Variants in PPP1R13B observed in about 807,000 individuals in gnomAD.
The protein encoded by PPP1R13B is protein phosphatase 1 regulatory subunit 13B.
PPP1R13B carries 44 observed loss-of-function variants against 119.8 expected under a neutral mutation model. That is an observed-to-expected ratio of 0.37 (90% CI 0.29 to 0.47). The LOEUF is 0.47. Among genes scored for constraint, PPP1R13B ranks in the 20% least tolerant of loss-of-function variants. The pLI, the probability that PPP1R13B is intolerant of heterozygous loss-of-function variation, is 0.99. For synonymous variants in PPP1R13B, 542 were observed against 561.5 expected, an observed-to-expected ratio of 0.97 and a Z score of 0.49; for missense variants, 1,227 against 1,413.5, an observed-to-expected ratio of 0.87 and a Z score of 2.12.
upstream of PPP1R13B, chr14:103,847,597 C>T: frequency 2.0e-6 from 2 of 986,444 alleles, no homozygotes; most frequent in Non-Finnish European, 2.4e-6. Flanking sequence ...GCCCGGCTCG[C>T]TCTTCAGCCC....
At position 103,734,445 on chromosome 14, in the gene PPP1R13B, G is replaced by GAGGAGA. The variant is rs1243134569; in HGVS notation, c.*703_*708dup. ...AGCAGCATGACAGGCTGTGAGATCG[G>GAGGAGA]AGGAGAAGAGTATATGCTGAGGCTC... On this transcript the variant is annotated 3_prime_UTR_variant, in exon 17 of 17. Transcript: ENST00000202556. 2.2e-6 allele frequency: 1 copy of GAGGAGA among 447,554 alleles called. No homozygotes were observed. The highest frequency in any genetic ancestry group is 4.5e-6 in the Non-Finnish European group (1 of 221,664). 27.7% of individuals were successfully genotyped at this position (447,554 alleles called of 1,614,324 possible). A position where few individuals can be genotyped will look rare whatever the true frequency, so the allele number is the denominator to read the frequency against.
At chr14:103,783,349 T>A (rs896051796) in intron 3 of PPP1R13B, among the ~76,000 whole-genome samples, 2 of 152,018 alleles carry the variant, frequency 1.3e-5, no homozygotes, top group African/African-American at 4.8e-5. Context: ...AACCTCTGCC[T>A]CCCAGGTTCA....
At position 103,738,130 on chromosome 14, in the gene PPP1R13B, C is replaced by G. The variant is rs1567079968; in HGVS notation, c.2865-270G>C. Among the ~76,000 whole-genome samples the G allele has an allele frequency of 6.6e-6, 1 of 152,230 alleles. No homozygotes were observed. Among genetic ancestry groups the G allele is most frequent in the African/African-American group, 2.4e-5 (1 of 41,456 alleles). ...TGCATGGTGATGTGAATGTACATAA[C>G]ACACTGAAACACACATTTAAAAATA... is the stretch of plus-strand genomic sequence containing the variant. On this transcript the variant is annotated intron_variant, in intron 14 of 16. Coordinates refer to ENST00000202556, the MANE Select transcript of PPP1R13B (RefSeq NM_015316.3). This position sits in a 1 kb window ranked among gnomAD's most constrained non-coding sequence, Gnocchi z 5.6.
At chr14:103,762,719 CGGTGG>C in intron 4 of PPP1R13B, 1 of 637,492 alleles carries the variant, frequency 1.6e-6, no homozygotes, top group African/African-American at 1.8e-5. Flanking sequence ...TGGGTGTCGG[CGGTGG>C]CCGTGGGGGT....
At chr14:103,736,395 C>T in intron 15 of PPP1R13B, 193 bp from the exon 16 acceptor site, 1 of 612,408 alleles carries the variant, frequency 1.6e-6, no homozygotes, top group Admixed American at 2.9e-5. Context: ...GGCCCAGCTG[C>T]TGCTCCTGCT....
intron 5 of PPP1R13B, among the ~76,000 whole-genome samples, chr14:103,756,858 A>G (rs974957332): frequency 4.0e-5 from 6 of 151,702 alleles, no homozygotes; most frequent in African/African-American, 1.5e-4. Context: ...TCCTGGGTTC[A>G]CACCATTCTC....
intron 1 of PPP1R13B, among the ~76,000 whole-genome samples, chr14:103,798,817 G>C (rs1409256134): frequency 1.3e-5 from 2 of 151,706 alleles, no homozygotes; most frequent in African/African-American, 4.8e-5. Context: ...ATCCTCCCAA[G>C]TAGCTGGGAC....
Position 103,742,421 on chromosome 14 carries a change from G to T in PPP1R13B, c.1321-130C>A, listed in dbSNP as rs2084281818. 12 of 1,334,418 alleles carry T rather than the reference G, an allele frequency of 9.0e-6. No individual in the cohort carries two copies. In the South Asian group the frequency reaches 1.2e-4, roughly 13 times the overall value. 82.7% of individuals were successfully genotyped at this position (1,334,418 alleles called of 1,614,324 possible). A position where few individuals can be genotyped will look rare whatever the true frequency, so the allele number is the denominator to read the frequency against. On this transcript the variant is annotated intron_variant, in intron 10 of 16. Coordinates refer to ENST00000202556, the MANE Select transcript of PPP1R13B (RefSeq NM_015316.3). This position sits in a 1 kb window ranked among gnomAD's most constrained non-coding sequence, Gnocchi z 4.9. ...AAATTGGCTGTGACCAGGACTTGGG[G>T]CACACTGTTGAGCTCATTGCCTGTC...
chr14:103,760,069 GTGATT>G (rs1170856785), intron 4 of PPP1R13B, among the ~76,000 whole-genome samples: 1 of 152,048 alleles, frequency 6.6e-6, no homozygotes, highest in East Asian at 2.0e-4. Flanking sequence ...ATATGCCTGT[GTGATT>G]TAATTGTATT....
chr14:103,739,235 C>A (rs2084189708), intron 12 of PPP1R13B: 6 of 581,462 alleles, frequency 1.0e-5, no homozygotes, highest in Non-Finnish European at 1.8e-5. Flanking sequence ...CTGTCTGAGG[C>A]CTGAGTCCCT....
At chr14:103,797,025 CAAA>C (rs1216317920) in intron 2 of PPP1R13B, among the ~76,000 whole-genome samples, 2 of 72,728 alleles carry the variant, frequency 2.7e-5, no homozygotes, top group African/African-American at 4.5e-5. Context: ...TCATAATAGC[CAAA>C]AAAAAAAAAA....
rs2151955455 is a variant in PPP1R13B, at chr14:103,734,087, T to A, written c.*1067A>T. On this transcript the variant is annotated 3_prime_UTR_variant, in exon 17 of 17. Transcript: ENST00000202556. ...GTATATAAAAAGCCTGTACGTACAA[T>A]TCACACCTCAGTGAAGCGCCCTCCT... The A allele has an allele frequency of 5.1e-6, 1 of 195,030 alleles. No individual in the cohort carries two copies. The highest frequency in any genetic ancestry group is 1.2e-4 in the East Asian group (1 of 8,680). The allele number at this position is 195,030 out of a possible 1,614,324, so 12.1% of individuals were successfully genotyped here.
chr14:103,840,680 G>A (rs1353598919), intron 1 of PPP1R13B, among the ~76,000 whole-genome samples: 5 of 151,904 alleles, frequency 3.3e-5, no homozygotes, highest in African/African-American at 9.7e-5. Flanking sequence ...AAACCCAGCT[G>A]CTTTGGAGGA....
chr14:103,825,317 C>T (rs2086512889), intron 1 of PPP1R13B, among the ~76,000 whole-genome samples: 1 of 152,060 alleles, frequency 6.6e-6, no homozygotes, highest in Non-Finnish European at 1.5e-5. Flanking sequence ...TCTAAGTGCT[C>T]AAGTGAAAGG....
At chr14:103,752,303 G>A (rs920435882) in intron 7 of PPP1R13B, among the ~76,000 whole-genome samples, 3 of 152,142 alleles carry the variant, frequency 2.0e-5, no homozygotes, top group Non-Finnish European at 4.4e-5. Context: ...CATATGAAAC[G>A]TCCAGAATAG....
At chr14:103,807,217 T>A (rs964775322) in intron 1 of PPP1R13B, among the ~76,000 whole-genome samples, 1 of 152,218 alleles carries the variant, frequency 6.6e-6, no homozygotes, top group Non-Finnish European at 1.5e-5. Flanking sequence ...AGGCCTCTGC[T>A]GGAATGGTGT....
rs1307391632 is a variant in PPP1R13B at position 103,738,506 on chromosome 14, C to G, written c.2864+173G>C. ...TTAACAAAATCATCAAGAGAAAAGG[C>G]TGGAAAAAAAGGCAAGGAAACCCTG... On this transcript the variant is annotated intron_variant, in intron 14 of 16. Transcript: ENST00000202556. The surrounding 1 kb of genome is among the most constrained non-coding windows in gnomAD (Gnocchi z 5.6). 1.1e-5 allele frequency: 11 copies of G among 1,007,622 alleles called. No individual in the cohort carries two copies. In the East Asian group the frequency reaches 2.9e-4, roughly 27 times the overall value. 62.4% of individuals were successfully genotyped at this position (1,007,622 alleles called of 1,614,324 possible).
intron 4 of PPP1R13B, among the ~76,000 whole-genome samples, chr14:103,777,816 A>C (rs889308571): frequency 3.4e-5 from 5 of 149,118 alleles, no homozygotes; most frequent in Non-Finnish European, 5.9e-5. Flanking sequence ...AAAAAAAAAA[A>C]CAGGGTCTTA....
At chr14:103,774,324 T>C (rs2085132901) in intron 4 of PPP1R13B, among the ~76,000 whole-genome samples, 1 of 152,176 alleles carries the variant, frequency 6.6e-6, no homozygotes, top group Admixed American at 6.5e-5. Flanking sequence ...CCAGGACACC[T>C]AAGTCGAATG....
Sources: gnomAD v4.1 joint callset for allele counts (sites outside exome capture counted in the v4.1 genomes callset) on GRCh38, gnomAD v4.1.1 for gene constraint, Gnocchi (gnomAD v3.1) non-coding constraint, MANE v1.5 for transcripts, NCBI Gene and HGNC (gene_info 2026-07-23, HGNC 2026-07-21) for gene names.